RBFOX1: variants seen among roughly 807,000 people sequenced by gnomAD.
The protein encoded by RBFOX1 is RNA binding fox-1 homolog 1.
In RBFOX1, 8 loss-of-function variants were observed where a neutral mutation model predicts 57.7. The ratio of observed to expected loss-of-function variants is 0.14; its 90% CI spans 0.08 to 0.25. The LOEUF (loss-of-function observed/expected upper bound fraction) is 0.25. Ranked by LOEUF, RBFOX1 falls within the 10% of genes least tolerant of loss-of-function variation. The probability of loss-of-function intolerance (pLI) is 1.00; values close to 1 mark genes in which losing one functional copy is unlikely to be tolerated. For synonymous variants in RBFOX1, 326 were observed against 222.4 expected (o/e 1.47, Z -4.15); for missense variants, 611 against 548.5 (o/e 1.11, Z -1.14).
chr16:6,023,034 T>G (rs568585881), intron 1 of RBFOX1, among the ~76,000 whole-genome samples: 1 of 152,288 alleles, frequency 6.6e-6, no homozygotes, highest in South Asian at 2.1e-4. Context: ...TAGAAGGTTG[T>G]GGCCAGGGTC....
chr16:5,421,342 T>C (rs1271631758), intron 1 of RBFOX1, among the ~76,000 whole-genome samples: 2 of 152,146 alleles, frequency 1.3e-5, no homozygotes, highest in African/African-American at 4.8e-5. Flanking sequence ...AGAATGGGAT[T>C]CTGTGAAGGC....
intron 1 of RBFOX1, among the ~76,000 whole-genome samples, chr16:5,268,235 A>G (rs2062912013): frequency 6.6e-6 from 1 of 152,176 alleles, no homozygotes; most frequent in Non-Finnish European, 1.5e-5. Flanking sequence ...ACCCATGAAA[A>G]TGTTTTGTGC....
At chr16:5,481,296 C>T (rs575767816) in intron 2 of RBFOX1, among the ~76,000 whole-genome samples, 7 of 152,170 alleles carry the variant, frequency 4.6e-5, no homozygotes, top group Non-Finnish European at 2.9e-5. Flanking sequence ...TTCTTGTTGA[C>T]ACCCATGACC....
intron 4 of RBFOX1, among the ~76,000 whole-genome samples, chr16:5,997,367 C>G (rs369622404): frequency 3.2e-4 from 49 of 152,182 alleles, no homozygotes; most frequent in African/African-American, 1.1e-3. Flanking sequence ...TTGGTTTAGA[C>G]TTGAGTCTGA....
chr16:5,390,760 A>C (rs2066386744), intron 1 of RBFOX1, among the ~76,000 whole-genome samples: 1 of 152,106 alleles, frequency 6.6e-6, no homozygotes, highest in Admixed American at 6.5e-5. Flanking sequence ...GGGTCAAATG[A>C]ATTGTTCCAG....
At chr16:5,290,568 C>G (rs1481365262) in intron 1 of RBFOX1, among the ~76,000 whole-genome samples, 1 of 152,018 alleles carries the variant, frequency 6.6e-6, no homozygotes, top group Non-Finnish European at 1.5e-5. Flanking sequence ...TTATATTAAA[C>G]AAGTAAAATC....
chr16:6,389,119 G>C (rs534699545), intron 2 of RBFOX1, among the ~76,000 whole-genome samples: 67 of 152,312 alleles, frequency 4.4e-4, no homozygotes, highest in Non-Finnish European at 8.7e-4. Flanking sequence ...TTCACACTGT[G>C]GCAGGGGTGC....
intron 2 of RBFOX1, among the ~76,000 whole-genome samples, chr16:5,478,669 C>G (rs1036038317): frequency 1.3e-5 from 2 of 152,190 alleles, no homozygotes; most frequent in Admixed American, 1.3e-4. Flanking sequence ...GACCCGCTTT[C>G]TGCTCTTCTC....
intron 3 of RBFOX1, among the ~76,000 whole-genome samples, chr16:6,743,457 G>C (rs1053926601): frequency 6.6e-6 from 1 of 152,134 alleles, no homozygotes; most frequent in African/African-American, 2.4e-5. Context: ...CAAATATGTT[G>C]ATAAGGATGA....
intron 4 of RBFOX1, among the ~76,000 whole-genome samples, chr16:7,377,891 C>G (rs991875257): frequency 6.6e-6 from 1 of 152,120 alleles, no homozygotes; most frequent in Non-Finnish European, 1.5e-5. Flanking sequence ...GATTGATGCT[C>G]CCATAGTTTG....
At chr16:5,505,191 T>G (rs1447119841) in intron 2 of RBFOX1, among the ~76,000 whole-genome samples, 1 of 152,218 alleles carries the variant, frequency 6.6e-6, no homozygotes, top group Non-Finnish European at 1.5e-5. Context: ...ATAAACCTCT[T>G]GTATGACCCC....
At chr16:6,757,878 A>G (rs1418224118) in intron 3 of RBFOX1, among the ~76,000 whole-genome samples, 1 of 152,208 alleles carries the variant, frequency 6.6e-6, no homozygotes, top group African/African-American at 2.4e-5. Context: ...CATTGTGTGC[A>G]TGTATCAAAA....
At chr16:5,716,208 C>T (rs569696966) in intron 3 of RBFOX1, among the ~76,000 whole-genome samples, 17 of 152,142 alleles carry the variant, frequency 1.1e-4, no homozygotes, top group Non-Finnish European at 1.2e-4. Context: ...ATTTGGTTGG[C>T]GTGAAAGTAA....
intron 3 of RBFOX1, among the ~76,000 whole-genome samples, chr16:6,944,397 GAAA>G (rs199499186): frequency 7.5e-5 from 8 of 106,114 alleles, no homozygotes; most frequent in South Asian, 2.9e-4. Flanking sequence ...CCATCTCAGA[GAAA>G]AAAAAAAAAA....
chr16:5,390,008 T>G (rs996944572), intron 1 of RBFOX1, among the ~76,000 whole-genome samples: 3 of 152,104 alleles, frequency 2.0e-5, no homozygotes, highest in Non-Finnish European at 4.4e-5. Context: ...CTGCTTTTCT[T>G]TTTAAAAATA....
At chr16:7,175,000 T>A (rs1457551689) in intron 4 of RBFOX1, among the ~76,000 whole-genome samples, 1 of 152,186 alleles carries the variant, frequency 6.6e-6, no homozygotes, top group African/African-American at 2.4e-5. Context: ...TGATGTCTAA[T>A]GATGTTGAGC....
At chr16:7,156,682 T>C (rs17737523) in intron 4 of RBFOX1, among the ~76,000 whole-genome samples, 22,390 of 152,168 alleles carry the variant, frequency 0.15, 1,896 homozygotes, top group East Asian at 0.33. Context: ...TTAGTAGTTC[T>C]ATAGTATTCC....
chr16:5,998,439 C>T (rs2060527431), intron 4 of RBFOX1, among the ~76,000 whole-genome samples: 1 of 152,228 alleles, frequency 6.6e-6, no homozygotes, highest in South Asian at 2.1e-4. Context: ...GGAAGGCGGG[C>T]AAGCGAACTT....
chr16:6,859,552 G>A (rs1372740287), intron 3 of RBFOX1, among the ~76,000 whole-genome samples: 1 of 151,956 alleles, frequency 6.6e-6, no homozygotes, highest in African/African-American at 2.4e-5. Context: ...TATGCTGCCT[G>A]TGGAAATCTG....
Sources: gnomAD v4.1 joint callset for allele counts (sites outside exome capture counted in the v4.1 genomes callset) on GRCh38, gnomAD v4.1.1 for gene constraint, MANE v1.5 for transcripts, NCBI Gene and HGNC (gene_info 2026-07-23, HGNC 2026-07-21) for gene names.